The following PDE6C variants were observed in gnomAD, a reference collection of about 807,000 sequenced individuals.
The protein encoded by PDE6C is cone cGMP-specific 3',5'-cyclic phosphodiesterase subunit alpha'.
A neutral mutation model predicts 113.1 loss-of-function variants in PDE6C; 75 were observed. The observed-to-expected ratio is 0.66, with a 90% CI of 0.55 to 0.80. The LOEUF (loss-of-function observed/expected upper bound fraction) is 0.80. Ranked by LOEUF, PDE6C falls within the 30% of genes least tolerant of loss-of-function variation. The pLI, the probability that PDE6C is intolerant of heterozygous loss-of-function variation, is 0.00. For missense variants in PDE6C, 912 were observed against 1,038.6 expected, an observed-to-expected ratio of 0.88 and a Z score of 1.67; for synonymous variants, 375 against 363.7, an observed-to-expected ratio of 1.03 and a Z score of -0.35.
At chr10:93,655,926 T>G in intron 16 of PDE6C, 66 bp downstream of exon 16, 1 of 842,962 alleles carries the variant, frequency 1.2e-6, no homozygotes, top group Middle Eastern at 2.2e-4. Context: ...CCATAAATTA[T>G]CTGTTGCATT....
intron 15 of PDE6C, among the ~76,000 whole-genome samples, chr10:93,651,123 G>A (rs1410783541): frequency 6.6e-6 from 1 of 152,130 alleles, no homozygotes; most frequent in Non-Finnish European, 1.5e-5. Context: ...TATATGCATA[G>A]GTTTTGCACT....
At chr10:93,655,630 G>GAAAGAAAAAAAAAAAAAAAAAAAAAAAAA in intron 15 of PDE6C, 130 bp from the exon 16 acceptor site, 2 of 510,266 alleles carry the variant, frequency 3.9e-6, no homozygotes, top group Non-Finnish European at 3.5e-6. Flanking sequence ...AAAAAAAAAG[G>GAAAGAAAAAAAAAAAAAAAAAAAAAAAAA]AAGGAAAACA....
intron 18 of PDE6C, among the ~76,000 whole-genome samples, chr10:93,659,510 A>T (rs2058656190): frequency 6.6e-6 from 1 of 152,206 alleles, no homozygotes. Flanking sequence ...TAAAGGAAAG[A>T]GGTTTAATGA....
chr10:93,627,937 G>A (rs2058481715), intron 7 of PDE6C, among the ~76,000 whole-genome samples: 2 of 152,168 alleles, frequency 1.3e-5, no homozygotes, highest in Non-Finnish European at 2.9e-5. Flanking sequence ...CACTTACCTT[G>A]GGGCCGAGAG....
rs1371079425 is a variant in PDE6C at position 93,659,168 on chromosome 10, G to A, written c.2208+1G>A. ...CAAGCCCTGGGAGGTGCAAAGTCAG[G>A]TGAGTCCAGTTAAGTTTTCTTTTCT... On this transcript the variant is annotated splice_donor_variant, in intron 18 of 21. Transcript: ENST00000371447. LOFTEE classifies it high-confidence loss of function. The A allele has an allele frequency of 6.2e-7, 1 of 1,603,182 alleles. No individual in the cohort carries two copies. The highest frequency in any genetic ancestry group is 2.2e-5 in the East Asian group (1 of 44,748).
At chr10:93,644,070 A>T (rs1310768931) in intron 14 of PDE6C, among the ~76,000 whole-genome samples, 1 of 152,192 alleles carries the variant, frequency 6.6e-6, no homozygotes, top group Non-Finnish European at 1.5e-5. Context: ...ATTTTGCAGA[A>T]TATCTTTCAA....
At chr10:93,616,812 C>T (rs1200858884) in intron 1 of PDE6C, among the ~76,000 whole-genome samples, 1 of 152,138 alleles carries the variant, frequency 6.6e-6, no homozygotes, top group African/African-American at 2.4e-5. Flanking sequence ...CACCACCATG[C>T]CCAGCTAATT....
At chr10:93,655,639 C>CA (rs1051137800) in intron 15 of PDE6C, 121 bp from the exon 16 acceptor site, 7,751 of 309,200 alleles carry the variant, frequency 0.025, 1 homozygote, top group Middle Eastern at 0.039. Context: ...GGAAGGAAAA[C>CA]AAAAAAAAAA....
chr10:93,613,109 G>A lies in PDE6C; in HGVS notation c.384G>A (p.Val128=), dbSNP rs747289754. Residue 128 remains valine (V), a synonymous_variant, in exon 1 of 22, where the codon GTG becomes GTA. Transcript: ENST00000371447. ...TPTSKFEDNL[V]GPDKEVVFPL... is the part of the protein sequence containing the mutation. ...CCTCCAAGTTTGAGGACAACCTGGTGGGCCCTGACAAAGAAGTTGTGTTTC... is the reference window on the plus strand; with the variant it reads ...CCTCCAAGTTTGAGGACAACCTGGTAGGCCCTGACAAAGAAGTTGTGTTTC... The A allele has an allele frequency of 1.9e-5, 30 of 1,614,182 alleles. No homozygotes were observed. In the South Asian group the frequency reaches 3.0e-4, roughly 16 times the overall value.
intron 1 of PDE6C, among the ~76,000 whole-genome samples, chr10:93,613,406 C>G (rs1001042455): frequency 3.3e-5 from 5 of 152,180 alleles, no homozygotes; most frequent in African/African-American, 1.2e-4. Flanking sequence ...ACTTGAATTT[C>G]AGATAAACAA....
chr10:93,652,100 C>T (rs566224785), intron 15 of PDE6C, among the ~76,000 whole-genome samples: 1 of 151,850 alleles, frequency 6.6e-6, no homozygotes, highest in South Asian at 2.1e-4. Flanking sequence ...AGAATACATA[C>T]AACACTAAAG....
intron 8 of PDE6C, 151 bp from the exon 9 acceptor site, chr10:93,634,607 G>A (rs2058518949): frequency 6.7e-6 from 5 of 746,066 alleles, no homozygotes; most frequent in Non-Finnish European, 2.3e-6. Flanking sequence ...AAAATGTACT[G>A]TAGTTGTCTA....
chr10:93,654,261 A>G (rs528694162), intron 15 of PDE6C, among the ~76,000 whole-genome samples: 17 of 152,342 alleles, frequency 1.1e-4, no homozygotes, highest in African/African-American at 3.8e-4. Flanking sequence ...CTCTAGGATT[A>G]TACCACTGCC....
intron 8 of PDE6C, among the ~76,000 whole-genome samples, chr10:93,633,702 T>A (rs890986911): frequency 6.6e-6 from 1 of 152,128 alleles, no homozygotes; most frequent in Non-Finnish European, 1.5e-5. Context: ...CACCACAGAA[T>A]GAAAGACTAT....
chr10:93,656,217 A>G (rs1007430088), intron 16 of PDE6C, among the ~76,000 whole-genome samples: 1 of 152,358 alleles, frequency 6.6e-6, no homozygotes, highest in Admixed American at 6.5e-5. Flanking sequence ...CTTTTTGTCC[A>G]GGTGAATTCT....
rs1429514536 is a variant in PDE6C at position 93,665,798 on chromosome 10, G to C, written c.*380G>C. The C allele has an allele frequency of 3.8e-6, 1 of 264,456 alleles. No homozygotes were observed. Among genetic ancestry groups the C allele is most frequent in the East Asian group, 1.1e-4 (1 of 8,952 alleles). The allele number at this position is 264,456 out of a possible 1,614,324, so 16.4% of individuals were successfully genotyped here. A position where few individuals can be genotyped will look rare whatever the true frequency, so the allele number is the denominator to read the frequency against. ...TTTCTCAAAGTCCTGGGGGCTGGAA[G>C]TTCAAGATCAAGGAGTTGGCAGGGT... On this transcript the variant is annotated 3_prime_UTR_variant, in exon 22 of 22. Transcript: ENST00000371447.
Position 93,646,026 on chromosome 10 carries a change from T to A in PDE6C, c.1914T>A (p.Ser638Arg). The change falls in exon 15 of 22, where the codon AGT (serine) becomes AGA (arginine). Residue 638 changes from serine (S) to arginine (R), a missense_variant. Ser to Arg is a moderately radical substitution (Grantham distance 110). Coordinates refer to ENST00000371447, the MANE Select transcript of PDE6C (RefSeq NM_006204.4). Reference protein sequence around the residue: ...SILERHHLEYSKTLLQDESLN... With the variant: ...SILERHHLEYRKTLLQDESLN... ...TGGAGAGGCACCACCTGGAGTACAG[T>A]AAGACTCTGTTGCAGGATGAGGTAC... The A allele has an allele frequency of 1.3e-6, 2 of 1,598,690 alleles. No individual in the cohort carries two copies. The highest frequency in any genetic ancestry group is 1.7e-6 in the Non-Finnish European group (2 of 1,165,984).
intron 15 of PDE6C, among the ~76,000 whole-genome samples, chr10:93,646,779 A>C (rs2058586506): frequency 1.3e-5 from 2 of 152,204 alleles, no homozygotes; most frequent in East Asian, 3.8e-4. Context: ...CGCAAAATCC[A>C]ATCACCTCCC....
chr10:93,614,541 C>A (rs779818011), intron 1 of PDE6C, among the ~76,000 whole-genome samples: 3 of 152,216 alleles, frequency 2.0e-5, no homozygotes, highest in Non-Finnish European at 4.4e-5. Flanking sequence ...GTCTGCACAT[C>A]CTGAGGTTTT....
Sources: allele counts gnomAD v4.1 joint callset (sites outside exome capture counted in the v4.1 genomes callset), GRCh38; gene constraint gnomAD v4.1.1; transcripts MANE v1.5; gene names NCBI Gene and HGNC (gene_info 2026-07-23, HGNC 2026-07-21).